The following TFAP2E variants were observed in gnomAD, a reference collection of about 807,000 sequenced individuals.
TFAP2E encodes transcription factor AP-2 epsilon.
TFAP2E carries 30 observed loss-of-function variants against 37.9 expected under a neutral mutation model. That is an observed-to-expected ratio of 0.79 (90% CI 0.59 to 1.07). TFAP2E has a LOEUF of 1.07. Among genes scored for constraint, TFAP2E ranks in the 50% least tolerant of loss-of-function variants. The pLI is 0.00. For synonymous variants in TFAP2E, 318 were observed against 295.8 expected (o/e 1.08, Z -0.77); for missense variants, 567 against 637.9 (o/e 0.89, Z 1.20).
chr1:35,573,965 C>T lies in TFAP2E; in HGVS notation c.66C>T (p.Ala22=). The change falls in exon 2 of 7, where the codon GCC becomes GCT. Residue 22 remains alanine, a synonymous_variant. Coordinates refer to ENST00000373235, the MANE Select transcript of TFAP2E (RefSeq NM_178548.4). The surrounding 1 kb of genome is among the most constrained non-coding windows in gnomAD (Gnocchi z 5.9). ...PDGLGAAAGG[A]RLSSLPQAAY... ...GGCTGGGAGCAGCTGCCGGCGGGGC[C>T]CGCCTGTCGTCTCTGCCCCAGGCGG... 1 of 1,467,342 alleles carries T rather than the reference C, an allele frequency of 6.8e-7. No individual in the cohort carries two copies. Among genetic ancestry groups the T allele is most frequent in the Non-Finnish European group, 8.9e-7 (1 of 1,122,892 alleles). The allele number at this position is 1,467,342 out of a possible 1,614,324, so 90.9% of individuals were successfully genotyped here.
intron 3 of TFAP2E, among the ~76,000 whole-genome samples, chr1:35,576,382 G>A (rs963488799): frequency 2.6e-5 from 4 of 152,154 alleles, no homozygotes; most frequent in Non-Finnish European, 4.4e-5. Flanking sequence ...TGGTTGCAGC[G>A]CAGCTCTGCT....
At position 35,594,577 on chromosome 1, in the gene TFAP2E, G is replaced by A. The variant is rs780457669; in HGVS notation, c.1230G>A (p.Leu410=). ...TCACTGCCTTCCAGAACTATTTGCT[G>A]GAGTCACTCAAGGGGCTGGACAAGA... ...AALTAFQNYL[L]ESLKGLDKMF... is the part of the protein sequence containing the mutation. Residue 410 remains leucine (L), a synonymous_variant, in exon 7 of 7, where the codon CTG becomes CTA. Coordinates refer to ENST00000373235, the MANE Select transcript of TFAP2E (RefSeq NM_178548.4). 6.2e-7 allele frequency: 1 copy of A among 1,614,206 alleles called. No homozygotes were observed. Among genetic ancestry groups the A allele is most frequent in the Admixed American group, 1.7e-5 (1 of 60,026 alleles).
chr1:35,580,007 G>C (rs998559704), intron 3 of TFAP2E, among the ~76,000 whole-genome samples: 2 of 151,766 alleles, frequency 1.3e-5, no homozygotes, highest in Non-Finnish European at 2.9e-5. Flanking sequence ...AGGAGATTGA[G>C]ACCAGCCTGA....
Position 35,574,127 on chromosome 1 carries a change from TC to T in TFAP2E, c.232del (p.His78ThrfsTer100). The T allele has an allele frequency of 1.4e-6, 2 of 1,454,214 alleles. No individual in the cohort carries two copies. The highest frequency in any genetic ancestry group is 9.1e-7 in the Non-Finnish European group (1 of 1,104,902). The allele number at this position is 1,454,214 out of a possible 1,614,324, so 90.1% of individuals were successfully genotyped here. A position where few individuals can be genotyped will look rare whatever the true frequency, so the allele number is the denominator to read the frequency against. ...GQAPDAAAAF[P>X]HLAGDPYGGL... ...AGGCGCCCGACGCCGCCGCAGCCTT[TC>T]CCCACCTGGCAGGGGACCCATATGG... On this transcript the variant is annotated frameshift_variant, in exon 2 of 7. Coordinates refer to ENST00000373235, the MANE Select transcript of TFAP2E (RefSeq NM_178548.4). LOFTEE classifies it high-confidence loss of function.
At chr1:35,585,550 C>G (rs373756794) in intron 3 of TFAP2E, among the ~76,000 whole-genome samples, 1 of 152,110 alleles carries the variant, frequency 6.6e-6, no homozygotes, top group Non-Finnish European at 1.5e-5. Flanking sequence ...AATTGAGATG[C>G]GCTTAAGCAT....
chr1:35,591,753 C>T (rs769315847), intron 6 of TFAP2E, among the ~76,000 whole-genome samples: 5 of 152,192 alleles, frequency 3.3e-5, no homozygotes, highest in Non-Finnish European at 7.3e-5. Context: ...GTGGCGCAAT[C>T]TCAGCTCACT....
rs2148546377 is a variant in TFAP2E at position 35,577,627 on chromosome 1, C to A, written c.562+2627C>A. On this transcript the variant is annotated intron_variant, in intron 3 of 6. Coordinates refer to ENST00000373235, the MANE Select transcript of TFAP2E (RefSeq NM_178548.4). This position sits in a 1 kb window ranked among gnomAD's most constrained non-coding sequence, Gnocchi z 6.3. ...TGCGAAAGGGAGGCAGCTGCAGCCTCAGCCCCACCCCAGAAGCGGCCTTCG... is the reference window on the plus strand; with the variant it reads ...TGCGAAAGGGAGGCAGCTGCAGCCTAAGCCCCACCCCAGAAGCGGCCTTCG... The A allele has an allele frequency of 2.1e-5, 7 of 341,424 alleles. No homozygotes were observed. Among genetic ancestry groups the A allele is most frequent in the South Asian group, 1.5e-4 (7 of 46,336 alleles). 21.1% of individuals were successfully genotyped at this position (341,424 alleles called of 1,614,324 possible).
chr1:35,575,032 C>A lies in TFAP2E; in HGVS notation c.562+32C>A, dbSNP rs1326373087. On this transcript the variant is annotated intron_variant, in intron 3 of 6. Coordinates refer to ENST00000373235, the MANE Select transcript of TFAP2E (RefSeq NM_178548.4). ...AATGGTCTGTCAGGGCAGAGCCCGG[C>A]GAGATGGTGCAGGCCCTTGGTGCAC... 2.5e-6 allele frequency: 4 copies of A among 1,613,422 alleles called. No individual in the cohort carries two copies. In the Admixed American group the frequency reaches 6.7e-5, roughly 27 times the overall value.
chr1:35,590,756 A>G lies in TFAP2E; in HGVS notation c.1027A>G (p.Ser343Gly). The stretch of plus-strand genomic sequence containing the variant: ...CCCGGGGGAGCTGCACAGCCGCAAG[A>G]GCATGCTGCTGGCTGCCAAGTGAGT... ...ADPGELHSRKSMLLAAKQICK... is the reference protein window; with the variant it reads ...ADPGELHSRKGMLLAAKQICK... Residue 343 changes from serine (S) to glycine (G), a missense_variant, in exon 6 of 7, where the codon AGC becomes GGC. Transcript: ENST00000373235. The surrounding 1 kb of genome is among the most constrained non-coding windows in gnomAD (Gnocchi z 6.2). The G allele has an allele frequency of 6.8e-7, 1 of 1,475,214 alleles. No homozygotes were observed. The highest frequency in any genetic ancestry group is 9.1e-7 in the Non-Finnish European group (1 of 1,099,226). 91.4% of individuals were successfully genotyped at this position (1,475,214 alleles called of 1,614,324 possible). A position where few individuals can be genotyped will look rare whatever the true frequency, so the allele number is the denominator to read the frequency against.
At chr1:35,579,967 G>A (rs1456594017) in intron 3 of TFAP2E, among the ~76,000 whole-genome samples, 1 of 152,118 alleles carries the variant, frequency 6.6e-6, no homozygotes, top group Non-Finnish European at 1.5e-5. Context: ...AGCACTTTGG[G>A]AGGCCGAGGC....
chr1:35,594,907 TTC>T lies in TFAP2E; in HGVS notation c.*233_*234del, dbSNP rs1649788481. The T allele has an allele frequency of 3.3e-6, 2 of 599,348 alleles. No individual in the cohort carries two copies. The highest frequency in any genetic ancestry group is 4.4e-5 in the South Asian group (2 of 44,946). 37.1% of individuals were successfully genotyped at this position (599,348 alleles called of 1,614,324 possible). On this transcript the variant is annotated 3_prime_UTR_variant, in exon 7 of 7. Transcript: ENST00000373235. ...AGGTATTTGTCTCATGTGTGCAATT[TTC>T]TGACCTTTGATGGTTGAGAAGGGTT...
At chr1:35,585,493 A>C (rs1403440349) in intron 3 of TFAP2E, among the ~76,000 whole-genome samples, 1 of 152,166 alleles carries the variant, frequency 6.6e-6, no homozygotes, top group Non-Finnish European at 1.5e-5. Flanking sequence ...CCAAGTGGCC[A>C]CTATAGCCAC....
Position 35,594,426 on chromosome 1 carries a change from C to G in TFAP2E, c.1079C>G (p.Ala360Gly). ...TGCAAGGAGTTTGCAGACTTGATGG[C>G]TCAGGACCGCTCACCGCTGGGCAAC... ...QICKEFADLMAQDRSPLGNSR... is the reference protein window; with the variant it reads ...QICKEFADLMGQDRSPLGNSR... The change falls in exon 7 of 7, where the codon GCT becomes GGT. Residue 360 changes from alanine (A) to glycine (G), a missense_variant. Transcript: ENST00000373235. 2 of 1,614,126 alleles carry G rather than the reference C, an allele frequency of 1.2e-6. No individual in the cohort carries two copies. Among genetic ancestry groups the G allele is most frequent in the African/African-American group, 2.7e-5 (2 of 75,050 alleles).
intron 6 of TFAP2E, among the ~76,000 whole-genome samples, chr1:35,591,125 G>A (rs1275310509): frequency 2.0e-5 from 3 of 152,118 alleles, no homozygotes; most frequent in African/African-American, 7.2e-5. Context: ...GGGCATATGT[G>A]TGCATGCCAC....
rs1305529809 is a variant in TFAP2E, at chr1:35,588,475, G to GA, written c.709dup (p.Thr237AsnfsTer80). The GA allele has an allele frequency of 6.2e-7, 1 of 1,609,328 alleles. No homozygotes were observed. Among genetic ancestry groups the GA allele is most frequent in the African/African-American group, 1.3e-5 (1 of 74,932 alleles). On this transcript the variant is annotated frameshift_variant, in exon 4 of 7. Coordinates refer to ENST00000373235, the MANE Select transcript of TFAP2E (RefSeq NM_178548.4). LOFTEE classifies it high-confidence loss of function. This position sits in a 1 kb window ranked among gnomAD's most constrained non-coding sequence, Gnocchi z 5.1. ...TCAGCTCAACGTCCAAGTACAAGGT[G>GA]ACGGTGGGGGAGGTGCAGCGGCGAC...
At position 35,588,514 on chromosome 1, in the gene TFAP2E, G is replaced by T; in HGVS notation, c.747G>T (p.Glu249Asp). 1 of 1,603,488 alleles carries T rather than the reference G, an allele frequency of 6.2e-7. No individual in the cohort carries two copies. The change falls in exon 4 of 7, where the codon GAG (glutamate) becomes GAT (aspartate). Residue 249 changes from glutamate to aspartate, a missense_variant. Transcript: ENST00000373235. This position sits in a 1 kb window ranked among gnomAD's most constrained non-coding sequence, Gnocchi z 5.1. Reference sequence around the variant, plus strand: ...TGCAGCGGCGACTCTCGCCTCCCGAGTGCCTCAACGCCTCCCTCCTGGGGG... The same window carrying T: ...TGCAGCGGCGACTCTCGCCTCCCGATTGCCTCAACGCCTCCCTCCTGGGGG... Reference protein sequence around the residue: ...GEVQRRLSPPECLNASLLGGV... With the variant: ...GEVQRRLSPPDCLNASLLGGV...
Position 35,577,594 on chromosome 1 carries a change from G to T in TFAP2E, c.562+2594G>T, listed in dbSNP as rs1352780337. On this transcript the variant is annotated intron_variant, in intron 3 of 6. Coordinates refer to ENST00000373235, the MANE Select transcript of TFAP2E (RefSeq NM_178548.4). This position sits in a 1 kb window ranked among gnomAD's most constrained non-coding sequence, Gnocchi z 6.3. Reference sequence around the variant, plus strand: ...GGCGGCTGCGTCGCTGAAGGTTGGGGTCCTTGGTGCGAAAGGGAGGCAGCT... The same window carrying T: ...GGCGGCTGCGTCGCTGAAGGTTGGGTTCCTTGGTGCGAAAGGGAGGCAGCT... 2.0e-4 allele frequency: 73 copies of T among 368,636 alleles called. No individual in the cohort carries two copies. The highest frequency in any genetic ancestry group is 3.6e-4 in the Non-Finnish European group (65 of 180,180). 22.8% of individuals were successfully genotyped at this position (368,636 alleles called of 1,614,324 possible). A position where few individuals can be genotyped will look rare whatever the true frequency, so the allele number is the denominator to read the frequency against.
chr1:35,590,082 A>G lies in TFAP2E; in HGVS notation c.904+34A>G. 6.3e-7 allele frequency: 1 copy of G among 1,599,786 alleles called. No individual in the cohort carries two copies. The highest frequency in any genetic ancestry group is 1.3e-5 in the African/African-American group (1 of 74,672). Reference sequence around the variant, plus strand: ...GGCCTGAAGGTGGGCATGGGAGTGGATGTGAGGGCAAGTGAGTTGTCTGGT... The same window carrying G: ...GGCCTGAAGGTGGGCATGGGAGTGGGTGTGAGGGCAAGTGAGTTGTCTGGT... On this transcript the variant is annotated intron_variant, in intron 5 of 6. Transcript: ENST00000373235. The surrounding 1 kb of genome is among the most constrained non-coding windows in gnomAD (Gnocchi z 6.2).
intron 2 of TFAP2E, 194 bp downstream of exon 2, chr1:35,574,603 C>A (rs1300387718): frequency 3.1e-6 from 3 of 977,154 alleles, no homozygotes; most frequent in Non-Finnish European, 4.3e-6. Context: ...GCACTGAGTC[C>A]GCCAGCAGTG....
Sources: gnomAD v4.1 joint callset for allele counts (sites outside exome capture counted in the v4.1 genomes callset) on GRCh38, gnomAD v4.1.1 for gene constraint, Gnocchi (gnomAD v3.1) non-coding constraint, MANE v1.5 for transcripts, NCBI Gene and HGNC (gene_info 2026-07-23, HGNC 2026-07-21) for gene names.